Variants in PLXNA2 observed in about 807,000 individuals in gnomAD.
PLXNA2 encodes plexin-A2.
In PLXNA2, 91 loss-of-function variants were observed where a neutral mutation model predicts 193.5. The ratio of observed to expected loss-of-function variants is 0.47; its 90% CI spans 0.40 to 0.56. The LOEUF is 0.56. PLXNA2 is among the 20% of genes least tolerant of loss of function. PLXNA2 has a pLI of 0.00. For missense variants in PLXNA2, 1,995 were observed against 2,503.2 expected (o/e 0.80, Z 4.33); for synonymous variants, 997 against 1,027.3 (o/e 0.97, Z 0.56).
chr1:208,046,191 C>T (rs1350549935), intron 17 of PLXNA2, 74 bp from the exon 18 acceptor site: 18 of 1,501,980 alleles, frequency 1.2e-5, no homozygotes, highest in Non-Finnish European at 1.6e-5. Context: ...GCCGCTCTCC[C>T]ACCCTCTCTC....
chr1:208,093,380 T>C (rs1417013823), intron 8 of PLXNA2, among the ~76,000 whole-genome samples: 1 of 152,206 alleles, frequency 6.6e-6, no homozygotes, highest in Non-Finnish European at 1.5e-5. Context: ...TATCTGATTA[T>C]AGACTTGCTT....
At position 208,072,133 on chromosome 1, in the gene PLXNA2, T is replaced by C. The variant is rs1665996520; in HGVS notation, c.2586+7127A>G. ...GGCCAGTGTACATGGTTTTCTATAA[T>C]TGATTTTCTTTCTCAGTTACACGTA... On this transcript the variant is annotated intron_variant, in intron 12 of 31. Coordinates refer to ENST00000367033, the MANE Select transcript of PLXNA2 (RefSeq NM_025179.4). Among the ~76,000 whole-genome samples the C allele has an allele frequency of 4.6e-5, 7 of 152,348 alleles. No individual in the cohort carries two copies. The South Asian group carries it at 1.5e-3, about 32-fold the overall frequency.
At chr1:208,148,924 T>TGTAATATAAATATAAA (rs1668675636) in intron 3 of PLXNA2, among the ~76,000 whole-genome samples, 2 of 152,252 alleles carry the variant, frequency 1.3e-5, no homozygotes, top group African/African-American at 4.8e-5. Flanking sequence ...GTTCTTGTTA[T>TGTAATATAAATATAAA]GCCTGAGCTC....
chr1:208,066,345 C>A (rs1665795108), intron 12 of PLXNA2, among the ~76,000 whole-genome samples: 1 of 152,170 alleles, frequency 6.6e-6, no homozygotes. Flanking sequence ...CCTGTGTGCC[C>A]CTCCTCTGCC....
At chr1:208,043,316 G>A (rs1462313035) in intron 20 of PLXNA2, 113 bp from the exon 21 acceptor site, 1 of 976,110 alleles carries the variant, frequency 1.0e-6, no homozygotes, top group Non-Finnish European at 1.5e-6. Context: ...GAGACTCTGA[G>A]GATTACGGGA....
intron 9 of PLXNA2, among the ~76,000 whole-genome samples, chr1:208,092,572 G>A (rs1368569855): frequency 1.3e-5 from 2 of 152,224 alleles, no homozygotes; most frequent in Non-Finnish European, 2.9e-5. Context: ...AGTCTTAGGA[G>A]TCTAGTAGAC....
In PLXNA2 at chr1:208,217,878, G is replaced by A. The variant is rs992320345; in HGVS notation, c.45C>T (p.Ser15=). The change falls in exon 2 of 32, where the codon AGC becomes AGT. Residue 15 remains serine (S), a synonymous_variant. Coordinates refer to ENST00000367033, the MANE Select transcript of PLXNA2 (RefSeq NM_025179.4). The surrounding 1 kb of genome is among the most constrained non-coding windows in gnomAD (Gnocchi z 4.7). ...RPWPRALEVD[S]RSVVLLSVVW... is the part of the protein sequence containing the mutation. ...CCACTGAGAGCAGGACCACAGAGCG[G>A]CTGTCCACCTCCAGGGCCCGGGGCC... is the stretch of plus-strand genomic sequence containing the variant. 16 of 1,612,628 alleles carry A rather than the reference G, an allele frequency of 9.9e-6. No homozygotes were observed. The highest frequency in any genetic ancestry group is 3.3e-5 in the Admixed American group (2 of 59,994).
At chr1:208,234,902 A>G (rs1671806308) in intron 1 of PLXNA2, among the ~76,000 whole-genome samples, 1 of 152,196 alleles carries the variant, frequency 6.6e-6, no homozygotes, top group African/African-American at 2.4e-5. Context: ...ACGGCAATGC[A>G]CTTACCCAAT....
At chr1:208,195,652 G>T (rs7520774) in intron 3 of PLXNA2, among the ~76,000 whole-genome samples, 54,390 of 106,306 alleles carry the variant, frequency 0.51, 10,137 homozygotes, top group Non-Finnish European at 0.57. Flanking sequence ...AATGTTTTTT[G>T]GGGGGGGGGG....
intron 4 of PLXNA2, among the ~76,000 whole-genome samples, 179 bp downstream of exon 4, chr1:208,142,150 C>T (rs2590689): frequency 2.4e-4 from 36 of 152,318 alleles, no homozygotes; most frequent in African/African-American, 8.7e-4. Flanking sequence ...AAGTGGCTGG[C>T]CCCCGGCTGC....
At chr1:208,173,158 C>G (rs1669547149) in intron 3 of PLXNA2, among the ~76,000 whole-genome samples, 1 of 152,178 alleles carries the variant, frequency 6.6e-6, no homozygotes. Flanking sequence ...TATTTCAAAT[C>G]CTGTCGGTGC....
intron 12 of PLXNA2, among the ~76,000 whole-genome samples, chr1:208,075,749 C>CTATT (rs1476289640): frequency 6.6e-6 from 1 of 151,798 alleles, no homozygotes; most frequent in African/African-American, 2.4e-5. Flanking sequence ...GCTTTTCTCT[C>CTATT]TATTTATTTA....
chr1:208,071,085 G>C (rs1487893484), intron 12 of PLXNA2, among the ~76,000 whole-genome samples: 1 of 152,196 alleles, frequency 6.6e-6, no homozygotes, highest in Non-Finnish European at 1.5e-5. Flanking sequence ...GGCCTGCACA[G>C]CTCTCACCAT....
At chr1:208,077,247 A>C (rs184692709) in intron 12 of PLXNA2, among the ~76,000 whole-genome samples, 91 of 152,290 alleles carry the variant, frequency 6.0e-4, no homozygotes, top group Middle Eastern at 3.4e-3. Context: ...CTTGAAAAGT[A>C]CCAGCAGGAG....
chr1:208,061,452 C>T (rs1024430460), intron 12 of PLXNA2, among the ~76,000 whole-genome samples: 2 of 152,052 alleles, frequency 1.3e-5, no homozygotes, highest in African/African-American at 4.8e-5. Flanking sequence ...GGGGTATACA[C>T]GGATAAGAGA....
chr1:208,134,082 C>G (rs540954145), intron 4 of PLXNA2, among the ~76,000 whole-genome samples: 57 of 152,320 alleles, frequency 3.7e-4, no homozygotes, highest in African/African-American at 1.3e-3. Context: ...CACCACTTCT[C>G]CCAGCCTGGG....
intron 4 of PLXNA2, among the ~76,000 whole-genome samples, chr1:208,134,746 C>T (rs1668253811): frequency 6.6e-6 from 1 of 152,172 alleles, no homozygotes; most frequent in African/African-American, 2.4e-5. Flanking sequence ...GCTCTGCCTG[C>T]ACCCTGGGAA....
intron 3 of PLXNA2, among the ~76,000 whole-genome samples, chr1:208,165,147 T>C (rs1669259319): frequency 6.6e-6 from 1 of 151,920 alleles, no homozygotes; most frequent in Admixed American, 6.6e-5. Flanking sequence ...GGCAGTCACC[T>C]GGCCTCCCTC....
At chr1:208,103,023 G>T (rs181680548) in intron 5 of PLXNA2, 124 bp downstream of exon 5, 3 of 731,566 alleles carry the variant, frequency 4.1e-6, no homozygotes, top group Non-Finnish European at 7.2e-6. Flanking sequence ...CTGAAGCCAC[G>T]ATTAGAATTA....
Sources: gnomAD v4.1 joint callset for allele counts (sites outside exome capture counted in the v4.1 genomes callset) on GRCh38, gnomAD v4.1.1 for gene constraint, Gnocchi (gnomAD v3.1) non-coding constraint, MANE v1.5 for transcripts, NCBI Gene and HGNC (gene_info 2026-07-23, HGNC 2026-07-21) for gene names.